KCNG3: variants seen among roughly 807,000 people sequenced by gnomAD.
KCNG3 encodes potassium voltage-gated channel modifier subfamily G member 3, also known as voltage-gated potassium channel regulatory subunit KCNG3.
In KCNG3, 15 loss-of-function variants were observed where a neutral mutation model predicts 29.0. That is an observed-to-expected ratio of 0.52 (90% CI 0.35 to 0.80). The LOEUF (loss-of-function observed/expected upper bound fraction) is 0.80. Ranked by LOEUF, KCNG3 falls within the 30% of genes least tolerant of loss-of-function variation. KCNG3 has a pLI of 0.01. For synonymous variants in KCNG3, 322 were observed against 248.9 expected (o/e 1.29, Z -2.76); for missense variants, 512 against 605.7 (o/e 0.85, Z 1.62).
intron 1 of KCNG3, among the ~76,000 whole-genome samples, chr2:42,452,417 T>C (rs530202786): frequency 2.3e-4 from 35 of 151,934 alleles, no homozygotes; most frequent in African/African-American, 8.2e-4. Flanking sequence ...TTAAATTATT[T>C]TTTTACTATA....
At chr2:42,432,068 G>A in the KCNG3 span, among the ~76,000 whole-genome samples, 1 of 150,998 alleles carries the variant, frequency 6.6e-6, no homozygotes, top group African/African-American at 2.4e-5. Flanking sequence ...TGGGCTTACT[G>A]TAAAGGACCC....
At chr2:42,436,777 C>T in the KCNG3 span, among the ~76,000 whole-genome samples, 1 of 152,218 alleles carries the variant, frequency 6.6e-6, no homozygotes, top group Non-Finnish European at 1.5e-5. Flanking sequence ...TCTTGGTTGA[C>T]AAAATTCCTC....
the KCNG3 span, among the ~76,000 whole-genome samples, chr2:42,390,661 T>C: frequency 2.0e-5 from 3 of 152,212 alleles, no homozygotes; most frequent in Admixed American, 2.0e-4. Flanking sequence ...TGTGGACTTA[T>C]TCCTCACCTT....
the KCNG3 span, among the ~76,000 whole-genome samples, chr2:42,411,484 TA>T: frequency 6.6e-6 from 1 of 152,134 alleles, no homozygotes. Flanking sequence ...ACATGTCTTA[TA>T]TTTTTTTTTG....
chr2:42,487,373 C>G (rs1414768816), intron 1 of KCNG3, among the ~76,000 whole-genome samples: 1 of 118,288 alleles, frequency 8.5e-6, no homozygotes, highest in Non-Finnish European at 1.7e-5. Flanking sequence ...GAGATGGAGT[C>G]TTGCTCTGTC....
chr2:42,431,827 C>CA, the KCNG3 span, among the ~76,000 whole-genome samples: 9 of 152,266 alleles, frequency 5.9e-5, no homozygotes, highest in Non-Finnish European at 5.9e-5. Flanking sequence ...CACCTGAGGT[C>CA]AGGAGTTCGA....
the KCNG3 span, among the ~76,000 whole-genome samples, chr2:42,417,879 G>A: frequency 6.6e-6 from 1 of 152,134 alleles, no homozygotes; most frequent in East Asian, 1.9e-4. Context: ...GGCTGAGGCA[G>A]GAGAATTGCT....
At chr2:42,446,758 A>G (rs1672607082) in intron 1 of KCNG3, among the ~76,000 whole-genome samples, 1 of 152,214 alleles carries the variant, frequency 6.6e-6, no homozygotes, top group Non-Finnish European at 1.5e-5. Context: ...ACAGGGCTGT[A>G]AAGATTAACT....
chr2:42,404,715 A>G, the KCNG3 span, among the ~76,000 whole-genome samples: 1 of 152,120 alleles, frequency 6.6e-6, no homozygotes, highest in Non-Finnish European at 1.5e-5. Flanking sequence ...GCAACGGAGG[A>G]AGACCCCATC....
At chr2:42,412,453 C>T in the KCNG3 span, among the ~76,000 whole-genome samples, 2 of 152,100 alleles carry the variant, frequency 1.3e-5, no homozygotes, top group African/African-American at 4.8e-5. Flanking sequence ...TGTCATTATA[C>T]CTTATGTTTG....
chr2:42,403,726 A>C, the KCNG3 span, among the ~76,000 whole-genome samples: 1 of 151,132 alleles, frequency 6.6e-6, no homozygotes, highest in Non-Finnish European at 1.5e-5. Flanking sequence ...CGGCCTCCCA[A>C]AGTGCTAAGA....
chr2:42,392,228 T>C, the KCNG3 span, among the ~76,000 whole-genome samples: 2 of 152,190 alleles, frequency 1.3e-5, no homozygotes, highest in Admixed American at 6.5e-5. Flanking sequence ...GAAAGGGAGT[T>C]TGTCTCCCGT....
chr2:42,444,634 C>T lies in KCNG3; in HGVS notation c.666-55G>A, dbSNP rs1209438522. ...ATTTTATTTTTAAGCATTTTAATAG[C>T]TCTTAGATTTCTTCAGATAGTACTA... On this transcript the variant is annotated intron_variant, in intron 1 of 1. Coordinates refer to ENST00000306078, the MANE Select transcript of KCNG3 (RefSeq NM_133329.6). The surrounding 1 kb of genome is among the most constrained non-coding windows in gnomAD (Gnocchi z 5.8). 22 of 1,480,524 alleles carry T rather than the reference C, an allele frequency of 1.5e-5. No individual in the cohort carries two copies. Among genetic ancestry groups the T allele is most frequent in the Non-Finnish European group, 1.9e-5 (21 of 1,088,808 alleles). 91.7% of individuals were successfully genotyped at this position (1,480,524 alleles called of 1,614,324 possible).
chr2:42,427,239 C>T, the KCNG3 span, among the ~76,000 whole-genome samples: 13 of 152,060 alleles, frequency 8.5e-5, no homozygotes, highest in Admixed American at 2.6e-4. Flanking sequence ...CTTGGTCTTG[C>T]GAGGGATAGT....
intron 1 of KCNG3, among the ~76,000 whole-genome samples, chr2:42,461,056 G>A (rs1673003955): frequency 6.6e-6 from 1 of 151,672 alleles, no homozygotes; most frequent in Non-Finnish European, 1.5e-5. Flanking sequence ...AGCTACTCGG[G>A]AGGCTGAGGC....
chr2:42,477,305 G>T (rs1263344579), intron 1 of KCNG3, among the ~76,000 whole-genome samples: 1 of 148,798 alleles, frequency 6.7e-6, no homozygotes, highest in East Asian at 2.0e-4. Flanking sequence ...AGAAAGGGAC[G>T]ATACATTAAA....
the KCNG3 span, among the ~76,000 whole-genome samples, chr2:42,427,964 A>T: frequency 1.3e-5 from 2 of 152,158 alleles, no homozygotes; most frequent in Admixed American, 1.3e-4. Context: ...AAAAATAATT[A>T]ACTACTACAA....
chr2:42,477,887 T>C (rs543729176), intron 1 of KCNG3, among the ~76,000 whole-genome samples: 71 of 40,188 alleles, frequency 1.8e-3, no homozygotes, highest in African/African-American at 5.4e-3. Flanking sequence ...TCAAAAAATA[T>C]ATATATATTT....
chr2:42,407,324 C>T, the KCNG3 span, among the ~76,000 whole-genome samples: 886 of 152,076 alleles, frequency 5.8e-3, 6 homozygotes, highest in African/African-American at 0.02. Context: ...TACAGGCGTG[C>T]GCCACCACAC....
Sources: gnomAD v4.1 joint callset for allele counts (sites outside exome capture counted in the v4.1 genomes callset) on GRCh38, gnomAD v4.1.1 for gene constraint, Gnocchi (gnomAD v3.1) non-coding constraint, MANE v1.5 for transcripts, NCBI Gene and HGNC (gene_info 2026-07-23, HGNC 2026-07-21) for gene names.